RGS5: variants seen among roughly 807,000 people sequenced by gnomAD.
RGS5 encodes regulator of G-protein signalling 5.
Under a neutral mutation model 18.9 loss-of-function variants are expected in RGS5, and 20 were observed. That is an observed-to-expected ratio of 1.06 (90% confidence interval 0.74 to 1.54). The LOEUF (loss-of-function observed/expected upper bound fraction) is 1.54, where lower values mean the gene tolerates loss of function less well. Among genes scored for constraint, RGS5 ranks in the 40% most tolerant of loss-of-function variants. The pLI, the probability that RGS5 is intolerant of heterozygous loss-of-function variation, is 0.00. For synonymous variants in RGS5, 57 were observed against 76.2 expected (o/e 0.75, Z 1.31); for missense variants, 201 against 211.8 (o/e 0.95, Z 0.32).
In RGS5 at chr1:163,146,777, A is replaced by C. The variant is rs1657145021; in HGVS notation, c.*565T>G. ...TTATTTATAATACCCAACTAACATG[A>C]AGGTGGTCCAAGGGAAGGATCAATA... On this transcript the variant is annotated 3_prime_UTR_variant, in exon 5 of 5. Transcript: ENST00000313961. 1 of 152,184 alleles carries C rather than the reference A, an allele frequency of 6.6e-6. No homozygotes were observed. The highest frequency in any genetic ancestry group is 1.5e-5 in the Non-Finnish European group (1 of 68,026). The allele number at this position is 152,184 out of a possible 1,614,324, so 9.4% of individuals were successfully genotyped here. A position where few individuals can be genotyped will look rare whatever the true frequency, so the allele number is the denominator to read the frequency against.
chr1:163,157,431 T>G (rs1338909021), intron 3 of RGS5, among the ~76,000 whole-genome samples: 1 of 152,196 alleles, frequency 6.6e-6, no homozygotes, highest in Non-Finnish European at 1.5e-5. Context: ...TTAAAAATTA[T>G]TTTAAAAATG....
intron 1 of RGS5, among the ~76,000 whole-genome samples, chr1:163,181,367 C>T (rs750023550): frequency 2.6e-5 from 4 of 152,170 alleles, no homozygotes; most frequent in Non-Finnish European, 4.4e-5. Context: ...ACAAGTCTCA[C>T]TCTTTTCTTG....
intron 2 of RGS5, among the ~76,000 whole-genome samples, chr1:163,261,274 G>T (rs1307740202): frequency 6.6e-6 from 1 of 151,992 alleles, no homozygotes. Context: ...TGATGCCCAT[G>T]GTCCTCTCTC....
chr1:163,278,119 TTC>T (rs1648902811), intron 2 of RGS5, among the ~76,000 whole-genome samples: 1 of 152,002 alleles, frequency 6.6e-6, no homozygotes, highest in Non-Finnish European at 1.5e-5. Flanking sequence ...GTAGAAAACT[TTC>T]TGAGTCTTGC....
chr1:163,189,166 G>T (rs1659235427), intron 1 of RGS5, among the ~76,000 whole-genome samples: 1 of 152,068 alleles, frequency 6.6e-6, no homozygotes, highest in African/African-American at 2.4e-5. Flanking sequence ...AAATGCTGTG[G>T]GTAAGAAAGC....
intron 2 of RGS5, among the ~76,000 whole-genome samples, chr1:163,279,993 A>G (rs999679987): frequency 1.3e-5 from 2 of 152,100 alleles, no homozygotes; most frequent in African/African-American, 4.8e-5. Flanking sequence ...ATAATGAATA[A>G]CAAAGTTGAA....
In RGS5 at chr1:163,264,627, C is replaced by A. The variant is rs571486963; in HGVS notation, c.-281+41606G>T. Among the ~76,000 whole-genome samples, 8 of 152,238 alleles carry A rather than the reference C, an allele frequency of 5.3e-5. No homozygotes were observed. In the South Asian group the frequency reaches 1.5e-3, roughly 28 times the overall value. On this transcript the variant is annotated intron_variant, in intron 2 of 5. Coordinates refer to the RGS5 transcript ENST00000618415. ...ATCTTAAACTTTTTGACCTCAAAGT[C>A]CTTCTTCCACTTTAATAATTTAAAC...
intron 3 of RGS5, among the ~76,000 whole-genome samples, chr1:163,161,145 T>A (rs1016794032): frequency 1.3e-5 from 2 of 152,118 alleles, no homozygotes; most frequent in Admixed American, 6.6e-5. Flanking sequence ...GAGAGAGAGA[T>A]ATGAGTAAAA....
chr1:163,286,175 C>A (rs956126644), intron 2 of RGS5, among the ~76,000 whole-genome samples: 18 of 151,942 alleles, frequency 1.2e-4, no homozygotes, highest in Admixed American at 8.5e-4. Context: ...AAAACCAGTA[C>A]AACAATTATT....
chr1:163,243,348 C>T (rs916142794), intron 2 of RGS5, among the ~76,000 whole-genome samples: 10 of 151,978 alleles, frequency 6.6e-5, no homozygotes, highest in Non-Finnish European at 1.2e-4. Flanking sequence ...GCATGCAGGG[C>T]TTAAAACCTA....
chr1:163,212,033 G>A (rs1011655263), intron 1 of RGS5: 3 of 152,144 alleles, frequency 2.0e-5, no homozygotes, highest in African/African-American at 7.2e-5. Flanking sequence ...AAATGTCTTC[G>A]ACTTAATTCC....
intron 2 of RGS5, among the ~76,000 whole-genome samples, chr1:163,256,120 G>T (rs1279996104): frequency 1.3e-5 from 2 of 152,178 alleles, no homozygotes; most frequent in South Asian, 2.1e-4. Context: ...GGGCAGTTAG[G>T]CAGGAGAAGG....
At chr1:163,255,758 C>T (rs1648254386) in intron 2 of RGS5, among the ~76,000 whole-genome samples, 1 of 151,696 alleles carries the variant, frequency 6.6e-6, no homozygotes, top group Non-Finnish European at 1.5e-5. Flanking sequence ...AAAAGCTTAT[C>T]CACCATGATC....
chr1:163,320,837 A>G (rs78691726), intron 1 of RGS5, among the ~76,000 whole-genome samples: 400 of 152,358 alleles, frequency 2.6e-3, no homozygotes, highest in Middle Eastern at 6.8e-3. Context: ...TCTTCAGGAC[A>G]GGACAAAGCA....
At chr1:163,301,719 C>T (rs556883698) in intron 2 of RGS5, among the ~76,000 whole-genome samples, 1 of 152,284 alleles carries the variant, frequency 6.6e-6, no homozygotes, top group East Asian at 1.9e-4. Context: ...CATAAGCCCC[C>T]GTGCTTTGTT....
At chr1:163,172,336 A>C (rs1034321744) in intron 1 of RGS5, among the ~76,000 whole-genome samples, 2 of 152,216 alleles carry the variant, frequency 1.3e-5, no homozygotes, top group African/African-American at 4.8e-5. Flanking sequence ...TTACTATTTC[A>C]GAATGCATTT....
intron 2 of RGS5, among the ~76,000 whole-genome samples, chr1:163,261,221 T>G (rs1321720254): frequency 6.6e-6 from 1 of 152,186 alleles, no homozygotes; most frequent in African/African-American, 2.4e-5. Flanking sequence ...CTAGTAGGGA[T>G]GCTGTCTGGA....
chr1:163,148,119 G>A (rs1243832436), intron 4 of RGS5, among the ~76,000 whole-genome samples: 1 of 151,786 alleles, frequency 6.6e-6, no homozygotes, highest in Non-Finnish European at 1.5e-5. Context: ...TAGAGACGGG[G>A]TTTTGCCACA....
At chr1:163,183,670 A>G (rs1010374189) in intron 1 of RGS5, among the ~76,000 whole-genome samples, 5 of 152,236 alleles carry the variant, frequency 3.3e-5, no homozygotes, top group Admixed American at 2.0e-4. Context: ...AATATCAAAT[A>G]CACAGACAAG....
Sources: gnomAD v4.1 joint callset for allele counts (sites outside exome capture counted in the v4.1 genomes callset) on GRCh38, gnomAD v4.1.1 for gene constraint, MANE v1.5 for transcripts, NCBI Gene and HGNC (gene_info 2026-07-23, HGNC 2026-07-21) for gene names.